Variants in TSHR observed in about 807,000 individuals in gnomAD.
The protein encoded by TSHR is thyrotropin receptor.
Under a neutral mutation model 64.1 loss-of-function variants are expected in TSHR, and 51 were observed. That is an observed-to-expected ratio of 0.80 (90% CI 0.64 to 1.01). The LOEUF (loss-of-function observed/expected upper bound fraction) is 1.01, where lower values mean the gene tolerates loss of function less well. Ranked by LOEUF, TSHR falls within the 50% of genes least tolerant of loss-of-function variation. TSHR has a pLI of 0.00. For missense variants in TSHR, 877 were observed against 942.8 expected, an observed-to-expected ratio of 0.93 and a Z score of 0.91; for synonymous variants, 361 against 361.9, an observed-to-expected ratio of 1.00 and a Z score of 0.03.
chr14:81,022,165 G>A (rs2139802710), intron 1 of TSHR, among the ~76,000 whole-genome samples: 1 of 151,772 alleles, frequency 6.6e-6, no homozygotes, highest in East Asian at 1.9e-4. Context: ...AGCTACTTGG[G>A]AGGCTGAGGC....
In TSHR at chr14:80,982,685, G is replaced by A. The variant is rs141203035; in HGVS notation, c.170+26835G>A. On this transcript the variant is annotated intron_variant, in intron 1 of 9. Transcript: ENST00000298171. Reference sequence around the variant, plus strand: ...CCCTGCTGTAACTCCAGCAGTATTCGGATTAGATCCCAGGCATCTAAGGCA... The same window carrying A: ...CCCTGCTGTAACTCCAGCAGTATTCAGATTAGATCCCAGGCATCTAAGGCA... 348 of 1,011,508 alleles carry A rather than the reference G, an allele frequency of 3.4e-4. 1 individual carries two copies. Among genetic ancestry groups the A allele is most frequent in the African/African-American group, 3.0e-3 (182 of 60,284 alleles). The allele number at this position is 1,011,508 out of a possible 1,614,324, so 62.7% of individuals were successfully genotyped here.
In TSHR at chr14:81,143,204, C is replaced by T. The variant is rs2140109905; in HGVS notation, c.1146C>T (p.Asp382=). 6.2e-7 allele frequency: 1 copy of T among 1,614,186 alleles called. No homozygotes were observed. The highest frequency in any genetic ancestry group is 1.1e-5 in the South Asian group (1 of 91,078). Reference sequence around the variant, plus strand: ...AGGAAGAGACTCTACAAGCTTTTGACAGCCATTATGACTACACCATATGTG... The same window carrying T: ...AGGAAGAGACTCTACAAGCTTTTGATAGCCATTATGACTACACCATATGTG... ...NPQEETLQAF[D]SHYDYTICGD... is the part of the protein sequence containing the mutation. Residue 382 remains aspartate, a synonymous_variant, in exon 10 of 10, where the codon GAC becomes GAT. Coordinates refer to ENST00000298171, the MANE Select transcript of TSHR (RefSeq NM_000369.5).
Position 81,094,679 on chromosome 14 carries a change from A to ATTTTTTTTTTTTTTTTTTTTTTTTTTTTT in TSHR, c.546-1936_546-1935insTTTTTTTTTTTTTTTTTTTTTTTTTTTTT. ...CTCCTTTTATTTATTTATTTTTTTA[A>ATTTTTTTTTTTTTTTTTTTTTTTTTTTTT]TTTTTTTTTTTTTTTTTTTTTTTTG... On this transcript the variant is annotated intron_variant, in intron 6 of 9. Coordinates refer to ENST00000298171, the MANE Select transcript of TSHR (RefSeq NM_000369.5). Among the ~76,000 whole-genome samples, 35 of 76,262 alleles carry ATTTTTTTTTTTTTTTTTTTTTTTTTTTTT rather than the reference A, an allele frequency of 4.6e-4. 2 individuals are homozygous for ATTTTTTTTTTTTTTTTTTTTTTTTTTTTT. The highest frequency in any genetic ancestry group is 1.5e-3 in the East Asian group (3 of 1,988). The allele number at this position is 76,262 out of a possible 152,430, so 50.0% of individuals were successfully genotyped here. A position where few individuals can be genotyped will look rare whatever the true frequency, so the allele number is the denominator to read the frequency against.
chr14:81,144,428 T>C lies in TSHR; in HGVS notation c.*75T>C. The stretch of plus-strand genomic sequence containing the variant: ...TTCTTGAATATGCATTCCAATCCCA[T>C]GACACCCCCAACACATAGCTGCCCT... On this transcript the variant is annotated 3_prime_UTR_variant, in exon 10 of 10. Transcript: ENST00000298171. 6.8e-7 allele frequency: 1 copy of C among 1,461,762 alleles called. No homozygotes were observed. Among genetic ancestry groups the C allele is most frequent in the Non-Finnish European group, 9.5e-7 (1 of 1,052,006 alleles). The allele number at this position is 1,461,762 out of a possible 1,614,324, so 90.5% of individuals were successfully genotyped here.
At chr14:81,052,161 T>C (rs1420656567) in intron 1 of TSHR, 2 of 152,190 alleles carry the variant, frequency 1.3e-5, no homozygotes, top group African/African-American at 4.8e-5. Flanking sequence ...TCTTCTCTTA[T>C]GAGTTTTACA....
At chr14:81,142,570 A>G (rs752894179) in intron 9 of TSHR, among the ~76,000 whole-genome samples, 8 of 151,766 alleles carry the variant, frequency 5.3e-5, no homozygotes, top group Non-Finnish European at 1.2e-4. Flanking sequence ...CATTTTCATA[A>G]ATGTGGGAAC....
chr14:80,984,542 G>A (rs1019536141), intron 1 of TSHR, among the ~76,000 whole-genome samples: 1 of 152,170 alleles, frequency 6.6e-6, no homozygotes, highest in South Asian at 2.1e-4. Context: ...CAGGCAGGTG[G>A]CATAGCTGTT....
intron 1 of TSHR, among the ~76,000 whole-genome samples, chr14:80,958,728 G>GT (rs1282778903): frequency 6.6e-6 from 1 of 151,816 alleles, no homozygotes; most frequent in Non-Finnish European, 1.5e-5. Context: ...AATAAACCAA[G>GT]TTTTTGTCAT....
Position 81,028,988 on chromosome 14 carries a change from A to T in TSHR, c.171-33160A>T, listed in dbSNP as rs1279228447. 2.0e-5 allele frequency among the ~76,000 whole-genome samples: 3 copies of T among 151,758 alleles called. No individual in the cohort carries two copies. In the East Asian group the frequency reaches 5.8e-4, roughly 29 times the overall value. On this transcript the variant is annotated intron_variant, in intron 1 of 9. Coordinates refer to ENST00000298171, the MANE Select transcript of TSHR (RefSeq NM_000369.5). ...TATCACAGAGCCTATAGATATTTTTAAATTATATTATTTAAATATATTAAC... is the reference window on the plus strand; with the variant it reads ...TATCACAGAGCCTATAGATATTTTTTAATTATATTATTTAAATATATTAAC...
chr14:81,102,539 CA>C (rs1371453531), intron 7 of TSHR, among the ~76,000 whole-genome samples: 11 of 152,158 alleles, frequency 7.2e-5, no homozygotes, highest in African/African-American at 2.7e-4. Flanking sequence ...AAGTCTAGAT[CA>C]GGGGTCAGCA....
Position 81,103,124 on chromosome 14 carries a change from G to A in TSHR, c.615-5251G>A. 3 of 985,408 alleles carry A rather than the reference G, an allele frequency of 3.0e-6. No individual in the cohort carries two copies. The highest frequency in any genetic ancestry group is 4.7e-5 in the South Asian group (1 of 21,284). The allele number at this position is 985,408 out of a possible 1,614,324, so 61.0% of individuals were successfully genotyped here. ...GGTTGTGATAAGGAGCCCTGGGACT[G>A]GAGGAAGACAAGGATTGAGCTATAG... On this transcript the variant is annotated intron_variant, in intron 7 of 9. Coordinates refer to ENST00000298171, the MANE Select transcript of TSHR (RefSeq NM_000369.5). The surrounding 1 kb of genome is among the most constrained non-coding windows in gnomAD (Gnocchi z 4.1).
chr14:80,996,927 A>G (rs577130188), intron 1 of TSHR, among the ~76,000 whole-genome samples: 1 of 152,268 alleles, frequency 6.6e-6, no homozygotes, highest in South Asian at 2.1e-4. Flanking sequence ...ATATGAAATC[A>G]TTAAGCTACT....
chr14:80,982,537 G>T, intron 1 of TSHR: 1 of 1,009,888 alleles, frequency 9.9e-7, no homozygotes, highest in South Asian at 2.6e-5. Context: ...AGGAGATGAT[G>T]CTAGTTTTGA....
Position 81,143,221 on chromosome 14 carries a change from C to T in TSHR, c.1163C>T (p.Thr388Ile), listed in dbSNP as rs543707327. Residue 388 changes from threonine (T) to isoleucine (I), a missense_variant, in exon 10 of 10, where the codon ACC (threonine) becomes ATC (isoleucine). Transcript: ENST00000298171. ...LQAFDSHYDY[T>I]ICGDSEDMVC... ...GCTTTTGACAGCCATTATGACTACA[C>T]CATATGTGGGGACAGTGAAGACATG... The T allele has an allele frequency of 2.5e-6, 4 of 1,614,158 alleles. No homozygotes were observed. The African/African-American group carries it at 4.0e-5, about 16-fold the overall frequency.
At chr14:80,998,241 T>C (rs1418847298) in intron 1 of TSHR, among the ~76,000 whole-genome samples, 1 of 152,172 alleles carries the variant, frequency 6.6e-6, no homozygotes, top group East Asian at 1.9e-4. Flanking sequence ...GTGTGTGTTA[T>C]GTGGGAAATA....
intron 8 of TSHR, among the ~76,000 whole-genome samples, chr14:81,138,699 G>A (rs192571393): frequency 3.9e-5 from 6 of 152,218 alleles, no homozygotes; most frequent in South Asian, 4.2e-4. Flanking sequence ...CAATTACAAC[G>A]ATGTGGGGGG....
rs371592678 is a variant in TSHR at position 81,088,190 on chromosome 14, T to C, written c.392+162T>C. Reference sequence around the variant, plus strand: ...GTATCGGGTGAAATGATCCACATTTTTAAAACCTATTCAAAAGTCAGCACA... The same window carrying C: ...GTATCGGGTGAAATGATCCACATTTCTAAAACCTATTCAAAAGTCAGCACA... On this transcript the variant is annotated intron_variant, in intron 4 of 9. Coordinates refer to ENST00000298171, the MANE Select transcript of TSHR (RefSeq NM_000369.5). Among the ~76,000 whole-genome samples the C allele has an allele frequency of 1.8e-3, 267 of 152,220 alleles. 1 individual carries two copies. The highest frequency in any genetic ancestry group is 0.014 in the Middle Eastern group (4 of 294).
chr14:81,040,238 G>T (rs148972685), intron 1 of TSHR, among the ~76,000 whole-genome samples: 2 of 151,922 alleles, frequency 1.3e-5, no homozygotes, highest in African/African-American at 4.8e-5. Flanking sequence ...TTCAAAAAAT[G>T]GTTCTGGGAA....
chr14:81,007,672 A>G (rs549445558), intron 1 of TSHR, among the ~76,000 whole-genome samples: 2 of 152,196 alleles, frequency 1.3e-5, no homozygotes, highest in African/African-American at 4.8e-5. Flanking sequence ...TTCTTTCCAT[A>G]CTGTATTCTC....
Sources: allele counts gnomAD v4.1 joint callset (sites outside exome capture counted in the v4.1 genomes callset), GRCh38; gene constraint gnomAD v4.1.1; non-coding constraint Gnocchi (gnomAD v3.1); transcripts MANE v1.5; gene names NCBI Gene and HGNC (gene_info 2026-07-23, HGNC 2026-07-21).